Variants in NPBWR1 observed in about 807,000 individuals in gnomAD.
NPBWR1 encodes neuropeptides B and W receptor 1.
NPBWR1 carries 4 observed loss-of-function variants against 2.8 expected under a neutral mutation model. The ratio of observed to expected loss-of-function variants is 1.44; its 90% CI spans 0.71 to 3.29. The LOEUF (loss-of-function observed/expected upper bound fraction) is 3.29. Ranked by LOEUF, NPBWR1 falls within the 30% of genes most tolerant of loss-of-function variation. NPBWR1 has a pLI of 0.01. For synonymous variants in NPBWR1, 250 were observed against 224.5 expected (o/e 1.11, Z -1.02); for missense variants, 545 against 462.5 (o/e 1.18, Z -1.64).
Position 52,941,102 on chromosome 8 carries a change from G to A in NPBWR1, c.*208G>A. On this transcript the variant is annotated 3_prime_UTR_variant, in exon 2 of 2. Transcript: ENST00000674939. The stretch of plus-strand genomic sequence containing the variant: ...TCCAGGTGATGCGCGGCCATGCCGG[G>A]TGAGGAGAACTGAGGCTGAGATCGC... 1.5e-6 allele frequency: 1 copy of A among 664,958 alleles called. No individual in the cohort carries two copies. Among genetic ancestry groups the A allele is most frequent in the East Asian group, 2.8e-5 (1 of 36,214 alleles). The allele number at this position is 664,958 out of a possible 1,614,324, so 41.2% of individuals were successfully genotyped here.
rs1186617923 is a variant in NPBWR1 at position 52,940,264 on chromosome 8, C to T, written c.357C>T (p.Asn119=). 2.5e-6 allele frequency: 4 copies of T among 1,613,516 alleles called. No individual in the cohort carries two copies. In the South Asian group the frequency reaches 3.3e-5, roughly 13 times the overall value. The change falls in exon 2 of 2, where the codon AAC becomes AAT. Residue 119 remains asparagine (N), a synonymous_variant. Transcript: ENST00000674939. Reference sequence around the variant, plus strand: ...TCATCGTGGCTATCGACCAGTACAACACCTTCTCCAGCCTCTACTTCCTCA... The same window carrying T: ...TCATCGTGGCTATCGACCAGTACAATACCTTCTCCAGCCTCTACTTCCTCA... The part of the protein sequence containing the change: ...CKLIVAIDQY[N]TFSSLYFLTV...
rs1459713052 is a variant in NPBWR1 at position 52,941,530 on chromosome 8, T to C, written c.*636T>C. ...AAACACAACAACTCGGGATGCCCCA[T>C]CGGAGTGTGTATACACCTGTGTGTG... On this transcript the variant is annotated 3_prime_UTR_variant, in exon 2 of 2. Transcript: ENST00000674939. Among the ~76,000 whole-genome samples the C allele has an allele frequency of 6.6e-6, 1 of 152,136 alleles. No individual in the cohort carries two copies. Among genetic ancestry groups the C allele is most frequent in the Non-Finnish European group, 1.5e-5 (1 of 68,026 alleles).
In NPBWR1 at chr8:52,940,933, T is replaced by C. The variant is rs575212756; in HGVS notation, c.*39T>C. 1.1e-4 allele frequency: 164 copies of C among 1,556,518 alleles called. 1 individual carries two copies. The East Asian group carries it at 1.5e-3, about 14-fold the overall frequency. On this transcript the variant is annotated 3_prime_UTR_variant, in exon 2 of 2. Transcript: ENST00000674939. ...CGGCTCCGCAACTGCCCGCCACTCC[T>C]GGCCAGCGAGGGAGGAGCCGGCGCC...
At position 52,942,402 on chromosome 8, in the gene NPBWR1, G is replaced by A. The variant is rs1297672439; in HGVS notation, c.*1508G>A. Among the ~76,000 whole-genome samples, 1 of 152,150 alleles carries A rather than the reference G, an allele frequency of 6.6e-6. No individual in the cohort carries two copies. On this transcript the variant is annotated 3_prime_UTR_variant, in exon 2 of 2. Coordinates refer to ENST00000674939, the MANE Select transcript of NPBWR1 (RefSeq NM_005285.5). ...TCTGCAGTTTAGCCTTAGACATGAG[G>A]GCCGAACCCTAAGCAAAGTCTGGTA...
chr8:52,939,905 G>T lies in NPBWR1; in HGVS notation c.-3G>T, dbSNP rs771321937. 2 of 1,533,366 alleles carry T rather than the reference G, an allele frequency of 1.3e-6. No homozygotes were observed. Among genetic ancestry groups the T allele is most frequent in the Admixed American group, 2.0e-5 (1 of 49,560 alleles). The allele number at this position is 1,533,366 out of a possible 1,614,324, so 95.0% of individuals were successfully genotyped here. A position where few individuals can be genotyped will look rare whatever the true frequency, so the allele number is the denominator to read the frequency against. On this transcript the variant is annotated 5_prime_UTR_variant, in exon 2 of 2. Coordinates refer to ENST00000674939, the MANE Select transcript of NPBWR1 (RefSeq NM_005285.5). ...GGTCGCCGGCTCCTCTGCCCTCGTTGAGATGGACAACGCCTCGTTCTCGGA... is the reference window on the plus strand; with the variant it reads ...GGTCGCCGGCTCCTCTGCCCTCGTTTAGATGGACAACGCCTCGTTCTCGGA...
Position 52,940,440 on chromosome 8 carries a change from G to A in NPBWR1, c.533G>A (p.Arg178Gln), listed in dbSNP as rs1274921384. ...LVVLPFAVFARLDDEQGRRQC... is the reference protein window; with the variant it reads ...LVVLPFAVFAQLDDEQGRRQC... ...GTGCTGCCCTTCGCAGTCTTCGCCC[G>A]GCTAGACGACGAGCAGGGCCGGCGC... The change falls in exon 2 of 2, where the codon CGG becomes CAG. Residue 178 changes from arginine (R) to glutamine (Q), a missense_variant. Transcript: ENST00000674939. 1.9e-6 allele frequency: 3 copies of A among 1,594,972 alleles called. No homozygotes were observed. Among genetic ancestry groups the A allele is most frequent in the Non-Finnish European group, 2.6e-6 (3 of 1,175,974 alleles).
Position 52,940,156 on chromosome 8 carries a change from C to A in NPBWR1, c.249C>A (p.Asp83Glu). 4 of 1,613,604 alleles carry A rather than the reference C, an allele frequency of 2.5e-6. No individual in the cohort carries two copies. The highest frequency in any genetic ancestry group is 3.4e-6 in the Non-Finnish European group (4 of 1,179,998). Residue 83 changes from aspartate to glutamate, a missense_variant, in exon 2 of 2, where the codon GAC (aspartate) becomes GAA (glutamate). Transcript: ENST00000674939. Reference sequence around the variant, plus strand: ...TCATCCTCAACCTGGCCATCGCCGACGAGCTCTTCACGCTGGTGCTGCCCA... The same window carrying A: ...TCATCCTCAACCTGGCCATCGCCGAAGAGCTCTTCACGCTGGTGCTGCCCA... ...NLFILNLAIA[D>E]ELFTLVLPIN...
Position 52,940,810 on chromosome 8 carries a change from C to G in NPBWR1, c.903C>G (p.Cys301Trp). 1 of 1,614,112 alleles carries G rather than the reference C, an allele frequency of 6.2e-7. No individual in the cohort carries two copies. The highest frequency in any genetic ancestry group is 8.5e-7 in the Non-Finnish European group (1 of 1,180,002). Residue 301 changes from cysteine to tryptophan, a missense_variant, in exon 2 of 2, where the codon TGC becomes TGG. Cys to Trp is a radical substitution (Grantham distance 215, BLOSUM62 -2). Coordinates refer to ENST00000674939, the MANE Select transcript of NPBWR1 (RefSeq NM_005285.5). ...FITSLSYANS[C>W]LNPFLYAFLD... Reference sequence around the variant, plus strand: ...CCAGCCTGAGCTACGCCAACAGCTGCCTCAACCCCTTCCTCTACGCCTTCC... The same window carrying G: ...CCAGCCTGAGCTACGCCAACAGCTGGCTCAACCCCTTCCTCTACGCCTTCC...
intron 1 of NPBWR1, 112 bp from the exon 2 acceptor site, chr8:52,939,599 G>C (rs534392986): frequency 2.7e-6 from 1 of 376,400 alleles, no homozygotes; most frequent in African/African-American, 2.1e-5. Flanking sequence ...GAGCGCTCAC[G>C]TGGAGGAGGT....
In NPBWR1 at chr8:52,940,381, G is replaced by A. The variant is rs1011725740; in HGVS notation, c.474G>A (p.Val158=). The A allele has an allele frequency of 2.5e-6, 4 of 1,603,728 alleles. No individual in the cohort carries two copies. Among genetic ancestry groups the A allele is most frequent in the Non-Finnish European group, 3.4e-6 (4 of 1,178,594 alleles). Residue 158 remains valine, a synonymous_variant, in exon 2 of 2, where the codon GTG becomes GTA. Transcript: ENST00000674939. ...GCACCTACAGCGCCGCGCGCGCGGT[G>A]AGCCTGGCCGTGTGGGGGATCGTCA... The part of the protein sequence containing the change: ...AGRTYSAARA[V]SLAVWGIVTL...
At position 52,940,958 on chromosome 8, in the gene NPBWR1, C is replaced by T. The variant is rs1860188638; in HGVS notation, c.*64C>T. ...TGGCCAGCGAGGGAGGAGCCGGCGC[C>T]AGAGTGCGGGACCAGACAGGCCGCC... On this transcript the variant is annotated 3_prime_UTR_variant, in exon 2 of 2. Transcript: ENST00000674939. The T allele has an allele frequency of 2.0e-6, 3 of 1,526,772 alleles. No homozygotes were observed. The highest frequency in any genetic ancestry group is 4.0e-5 in the Admixed American group (2 of 50,626). 94.6% of individuals were successfully genotyped at this position (1,526,772 alleles called of 1,614,324 possible). A position where few individuals can be genotyped will look rare whatever the true frequency, so the allele number is the denominator to read the frequency against.
Position 52,942,467 on chromosome 8 carries a change from G to T in NPBWR1, c.*1573G>T, listed in dbSNP as rs1011198177. Among the ~76,000 whole-genome samples, 1 of 152,212 alleles carries T rather than the reference G, an allele frequency of 6.6e-6. No homozygotes were observed. The highest frequency in any genetic ancestry group is 2.4e-5 in the African/African-American group (1 of 41,460). Reference sequence around the variant, plus strand: ...TTTAAAAGGTATTAATCTTTAGGATGAAGTCCAAACAGGATGAAAATTTCT... The same window carrying T: ...TTTAAAAGGTATTAATCTTTAGGATTAAGTCCAAACAGGATGAAAATTTCT... On this transcript the variant is annotated 3_prime_UTR_variant, in exon 2 of 2. Transcript: ENST00000674939.
Position 52,940,012 on chromosome 8 carries a change from GCTGGCGGTGGCTGTAC to G in NPBWR1, c.107_122del (p.Leu36GlnfsTer6), listed in dbSNP as rs1310500589. ...CGACTCTGGCGCCGCTGCCGGCGCCGCTGGCGGTGGCTGTACCAGTTGTCTACGCGGTGATCTGCGC... is the reference window on the plus strand; with the variant it reads ...CGACTCTGGCGCCGCTGCCGGCGCCGCAGTTGTCTACGCGGTGATCTGCGC... On this transcript the variant is annotated frameshift_variant, in exon 2 of 2. Transcript: ENST00000674939. LOFTEE classifies it low-confidence loss of function (END_TRUNC). The G allele has an allele frequency of 6.2e-7, 1 of 1,604,210 alleles. No individual in the cohort carries two copies. Among genetic ancestry groups the G allele is most frequent in the East Asian group, 2.2e-5 (1 of 44,844 alleles).
In NPBWR1 at chr8:52,940,439, C is replaced by T. The variant is rs779671508; in HGVS notation, c.532C>T (p.Arg178Trp). ...CGTGCTGCCCTTCGCAGTCTTCGCC[C>T]GGCTAGACGACGAGCAGGGCCGGCG... ...LVVLPFAVFA[R>W]LDDEQGRRQC... Residue 178 changes from arginine to tryptophan, a missense_variant, in exon 2 of 2, where the codon CGG (arginine) becomes TGG (tryptophan). Coordinates refer to ENST00000674939, the MANE Select transcript of NPBWR1 (RefSeq NM_005285.5). The T allele has an allele frequency of 9.4e-6, 15 of 1,594,890 alleles. No individual in the cohort carries two copies. The highest frequency in any genetic ancestry group is 6.8e-5 in the Admixed American group (4 of 58,786).
chr8:52,940,604 A>C lies in NPBWR1; in HGVS notation c.697A>C (p.Met233Leu). The change falls in exon 2 of 2, where the codon ATG (methionine) becomes CTG (leucine). Residue 233 changes from methionine to leucine, a missense_variant. Coordinates refer to ENST00000674939, the MANE Select transcript of NPBWR1 (RefSeq NM_005285.5). ...CACCCTGCTGTGCCGGCTGCATGCC[A>C]TGCGGCTGGACAGCCACGCCAAGGC... ...YTTLLCRLHA[M>L]RLDSHAKALE... 1 of 1,605,350 alleles carries C rather than the reference A, an allele frequency of 6.2e-7. No homozygotes were observed. The highest frequency in any genetic ancestry group is 8.5e-7 in the Non-Finnish European group (1 of 1,177,542).
chr8:52,942,693 T>C lies in NPBWR1; in HGVS notation c.*1799T>C, dbSNP rs993076720. ...CCTCTCTAATTTTGGTGAATAAGAA[T>C]TGCTTTCTTAGCTCTCAGAGTTTTT... is the stretch of plus-strand genomic sequence containing the variant. On this transcript the variant is annotated 3_prime_UTR_variant, in exon 2 of 2. Transcript: ENST00000674939. 2.0e-5 allele frequency among the ~76,000 whole-genome samples: 3 copies of C among 152,224 alleles called. No individual in the cohort carries two copies. Among genetic ancestry groups the C allele is most frequent in the African/African-American group, 7.2e-5 (3 of 41,450 alleles).
At position 52,940,371 on chromosome 8, in the gene NPBWR1, CGCGCGCGGTGA is replaced by C; in HGVS notation, c.467_477del (p.Arg156ProfsTer201). On this transcript the variant is annotated frameshift_variant, in exon 2 of 2. Coordinates refer to ENST00000674939, the MANE Select transcript of NPBWR1 (RefSeq NM_005285.5). LOFTEE classifies it low-confidence loss of function (END_TRUNC). ...GTGGCCGGCCGCACCTACAGCGCCG[CGCGCGCGGTGA>C]GCCTGGCCGTGTGGGGGATCGTCAC... is the stretch of plus-strand genomic sequence containing the variant. The C allele has an allele frequency of 6.2e-7, 1 of 1,605,154 alleles. No individual in the cohort carries two copies. Among genetic ancestry groups the C allele is most frequent in the Middle Eastern group, 1.7e-4 (1 of 6,056 alleles).
Position 52,940,553 on chromosome 8 carries a change from G to T in NPBWR1, c.646G>T (p.Val216Leu). The change falls in exon 2 of 2, where the codon GTG becomes TTG. Residue 216 changes from valine (V) to leucine (L), a missense_variant. Val to Leu is a conservative substitution (Grantham distance 32). Transcript: ENST00000674939. ...GCTCGTGCTGGGCTTCGCCATCCCC[G>T]TGTCCACCATCTGTGTCCTCTATAC... ...YTLVLGFAIP[V>L]STICVLYTTL... The T allele has an allele frequency of 6.3e-7, 1 of 1,597,836 alleles. No homozygotes were observed.
rs72648403 is a variant in NPBWR1 at position 52,942,288 on chromosome 8, T to C, written c.*1394T>C. Among the ~76,000 whole-genome samples the C allele has an allele frequency of 0.17, 25,273 of 152,166 alleles. 2,215 individuals are homozygous for C. Among genetic ancestry groups the C allele is most frequent in the African/African-American group, 0.22 (9,282 of 41,496 alleles). ...ACTGGTCCTGGAGTCACCAGGGAGATTGGCCAGCATCCTACCTGTGTTTTT... is the reference window on the plus strand; with the variant it reads ...ACTGGTCCTGGAGTCACCAGGGAGACTGGCCAGCATCCTACCTGTGTTTTT... On this transcript the variant is annotated 3_prime_UTR_variant, in exon 2 of 2. Transcript: ENST00000674939.
Sources: allele counts gnomAD v4.1 joint callset (sites outside exome capture counted in the v4.1 genomes callset), GRCh38; gene constraint gnomAD v4.1.1; transcripts MANE v1.5; gene names NCBI Gene and HGNC (gene_info 2026-07-23, HGNC 2026-07-21).